The following TRAPPC9 variants were observed in gnomAD, a reference collection of about 807,000 sequenced individuals.
TRAPPC9 encodes the protein IKK2 binding protein.
In TRAPPC9, 83 loss-of-function variants were observed where a neutral mutation model predicts 124.0. The observed-to-expected ratio is 0.67, with a 90% CI of 0.56 to 0.80. The LOEUF (loss-of-function observed/expected upper bound fraction) is 0.80, where lower values mean the gene tolerates loss of function less well. TRAPPC9 is among the 30% of genes least tolerant of loss of function. The probability of loss-of-function intolerance (pLI) is 0.00; values close to 1 mark genes in which losing one functional copy is unlikely to be tolerated. For missense variants in TRAPPC9, 1,302 were observed against 1,508.3 expected (o/e 0.86, Z 2.27); for synonymous variants, 638 against 617.5 (o/e 1.03, Z -0.49).
At chr8:140,116,278 C>G (rs2060886361) in intron 17 of TRAPPC9, among the ~76,000 whole-genome samples, 2 of 152,172 alleles carry the variant, frequency 1.3e-5, no homozygotes, top group African/African-American at 4.8e-5. Context: ...TGGCAGCTAT[C>G]TGGAAGCTGG....
Position 140,287,677 on chromosome 8 carries a change from C to T in TRAPPC9, c.1912G>A (p.Ala638Thr). ...ESLPAALSLPAESGLYPVTLV... is the reference protein window; with the variant it reads ...ESLPAALSLPTESGLYPVTLV... Reference sequence around the variant, plus strand: ...GTCACTGGGTACAGACCAGATTCAGCCGGAAGAGAAAGCGCCGCAGGGAGA... The same window carrying T: ...GTCACTGGGTACAGACCAGATTCAGTCGGAAGAGAAAGCGCCGCAGGGAGA... Residue 638 changes from alanine (A) to threonine (T), a missense_variant, in exon 13 of 23, where the codon GCT becomes ACT. Ala to Thr is a moderately conservative substitution (Grantham distance 58). Coordinates refer to ENST00000438773, the MANE Select transcript of TRAPPC9 (RefSeq NM_001160372.4). The T allele has an allele frequency of 1.2e-6, 2 of 1,614,194 alleles. No individual in the cohort carries two copies. Among genetic ancestry groups the T allele is most frequent in the Non-Finnish European group, 1.7e-6 (2 of 1,180,032 alleles).
intron 9 of TRAPPC9, among the ~76,000 whole-genome samples, chr8:140,326,338 G>A (rs576659577): frequency 2.0e-5 from 3 of 152,158 alleles, no homozygotes; most frequent in Non-Finnish European, 2.9e-5. Flanking sequence ...CTTGTGCTCC[G>A]CTCTGTCATA....
At chr8:139,766,303 C>T (rs775977804) in intron 21 of TRAPPC9, among the ~76,000 whole-genome samples, 1 of 152,152 alleles carries the variant, frequency 6.6e-6, no homozygotes, top group Non-Finnish European at 1.5e-5. Flanking sequence ...TCTCTGCTCC[C>T]GTACTGGGGT....
chr8:140,346,213 T>G (rs893912826), intron 9 of TRAPPC9, among the ~76,000 whole-genome samples: 2 of 151,800 alleles, frequency 1.3e-5, no homozygotes, highest in African/African-American at 2.4e-5. Context: ...AGGGTGAGGG[T>G]GTGGGAAGCA....
chr8:139,987,184 C>G (rs1837291948), intron 19 of TRAPPC9, among the ~76,000 whole-genome samples: 1 of 152,196 alleles, frequency 6.6e-6, no homozygotes, highest in African/African-American at 2.4e-5. Flanking sequence ...TAATGGACAC[C>G]TGGCCTCTAT....
At chr8:139,928,471 G>T (rs2131371393) in intron 19 of TRAPPC9, among the ~76,000 whole-genome samples, 1 of 151,350 alleles carries the variant, frequency 6.6e-6, no homozygotes, top group East Asian at 1.9e-4. Flanking sequence ...CAGCCTGGGT[G>T]ACAAAGTGAG....
At chr8:139,872,424 A>ATGGG (rs1828999152) in intron 21 of TRAPPC9, among the ~76,000 whole-genome samples, 2 of 80,866 alleles carry the variant, frequency 2.5e-5, no homozygotes, top group African/African-American at 4.9e-5. Context: ...GGATGGATGG[A>ATGGG]TGGGCTGGTG....
At chr8:140,221,205 C>T (rs1029524868) in intron 17 of TRAPPC9, among the ~76,000 whole-genome samples, 3 of 152,164 alleles carry the variant, frequency 2.0e-5, no homozygotes, top group African/African-American at 7.2e-5. Context: ...CTGCTTTAAT[C>T]ACCGCACGCC....
intron 5 of TRAPPC9, among the ~76,000 whole-genome samples, chr8:140,423,697 CAT>C (rs2070319295): frequency 6.6e-6 from 1 of 151,288 alleles, no homozygotes; most frequent in Non-Finnish European, 1.5e-5. Context: ...CACATATACA[CAT>C]GTATACACAT....
intron 17 of TRAPPC9, among the ~76,000 whole-genome samples, chr8:140,144,667 A>T (rs960977850): frequency 4.6e-5 from 7 of 151,924 alleles, no homozygotes; most frequent in African/African-American, 1.7e-4. Context: ...TTGTATTTTA[A>T]GTAGAGACGG....
intron 5 of TRAPPC9, among the ~76,000 whole-genome samples, chr8:140,408,015 G>A (rs187927395): frequency 3.0e-4 from 46 of 152,248 alleles, no homozygotes; most frequent in Middle Eastern, 3.4e-3. Context: ...CAAGAGCATC[G>A]CTCCCAAGAG....
At chr8:140,248,837 G>A (rs550000122) in intron 16 of TRAPPC9, among the ~76,000 whole-genome samples, 1 of 152,246 alleles carries the variant, frequency 6.6e-6, no homozygotes, top group South Asian at 2.1e-4. Flanking sequence ...TGAAGATAAG[G>A]TAAATAATTT....
At chr8:140,378,955 G>A (rs1380078002) in intron 7 of TRAPPC9, among the ~76,000 whole-genome samples, 1 of 151,904 alleles carries the variant, frequency 6.6e-6, no homozygotes, top group East Asian at 1.9e-4. Context: ...GGGGATGGGG[G>A]GATTTTTATC....
rs559461893 is a variant in TRAPPC9, at chr8:140,341,358, G to A, written c.1495+18692C>T. Among the ~76,000 whole-genome samples the A allele has an allele frequency of 4.6e-5, 7 of 152,150 alleles. No individual in the cohort carries two copies. In the South Asian group the frequency reaches 1.0e-3, roughly 23 times the overall value. ...GACCTTGAGTTCCTGGAAAACCCAC[G>A]TGTCTGCTTAACTTAGGGGCCTACA... On this transcript the variant is annotated intron_variant, in intron 9 of 22. Coordinates refer to ENST00000438773, the MANE Select transcript of TRAPPC9 (RefSeq NM_001160372.4).
At chr8:139,854,589 G>T (rs901476037) in intron 21 of TRAPPC9, among the ~76,000 whole-genome samples, 1 of 152,216 alleles carries the variant, frequency 6.6e-6, no homozygotes, top group Non-Finnish European at 1.5e-5. Flanking sequence ...GTGGCTCCAC[G>T]GAAGGAGCTT....
intron 15 of TRAPPC9, among the ~76,000 whole-genome samples, chr8:140,263,790 A>G (rs1376989205): frequency 1.3e-5 from 2 of 152,194 alleles, no homozygotes; most frequent in Admixed American, 6.5e-5. Flanking sequence ...AACGTTGACC[A>G]TCATAAGTAA....
chr8:140,234,072 G>C (rs1207072752), intron 16 of TRAPPC9, among the ~76,000 whole-genome samples: 1 of 152,096 alleles, frequency 6.6e-6, no homozygotes, highest in African/African-American at 2.4e-5. Flanking sequence ...TTGAGATCAG[G>C]GGTCCCCAAC....
At chr8:139,866,788 C>T (rs529545613) in intron 21 of TRAPPC9, among the ~76,000 whole-genome samples, 1 of 151,980 alleles carries the variant, frequency 6.6e-6, no homozygotes, top group South Asian at 2.1e-4. Flanking sequence ...GTGTCTATTT[C>T]TATTCATATG....
intron 19 of TRAPPC9, among the ~76,000 whole-genome samples, chr8:139,959,225 T>C (rs1360284363): frequency 5.9e-5 from 9 of 152,228 alleles, no homozygotes; most frequent in Admixed American, 5.9e-4. Flanking sequence ...CCCCAAAAGC[T>C]GTCAGGAGAG....
Sources: gnomAD v4.1 joint callset for allele counts (sites outside exome capture counted in the v4.1 genomes callset) on GRCh38, gnomAD v4.1.1 for gene constraint, MANE v1.5 for transcripts, NCBI Gene and HGNC (gene_info 2026-07-23, HGNC 2026-07-21) for gene names.